PPP2R1A: variants seen among roughly 807,000 people sequenced by gnomAD.
PPP2R1A encodes serine/threonine-protein phosphatase 2A 65 kDa regulatory subunit A alpha isoform.
A neutral mutation model predicts 67.1 loss-of-function variants in PPP2R1A; 15 were observed. That is an observed-to-expected ratio of 0.22 (90% confidence interval 0.15 to 0.34). The LOEUF is 0.34. Among genes scored for constraint, PPP2R1A ranks in the 10% least tolerant of loss-of-function variants. The pLI is 1.00. For missense variants in PPP2R1A, 369 were observed against 775.0 expected, an observed-to-expected ratio of 0.48 and a Z score of 6.22; for synonymous variants, 337 against 325.0, an observed-to-expected ratio of 1.04 and a Z score of -0.40.
At chr19:52,199,572 T>G (rs2089527764) in intron 1 of PPP2R1A, among the ~76,000 whole-genome samples, 1 of 152,248 alleles carries the variant, frequency 6.6e-6, no homozygotes, top group Non-Finnish European at 1.5e-5. Flanking sequence ...CAGCCCACTG[T>G]CTGCTTTTGC....
At chr19:52,192,858 C>T (rs1391220657) in intron 1 of PPP2R1A, among the ~76,000 whole-genome samples, 1 of 152,126 alleles carries the variant, frequency 6.6e-6, no homozygotes, top group African/African-American at 2.4e-5. Context: ...AGGCATTCCA[C>T]CCCCCAGGAA....
chr19:52,196,551 C>CT (rs1403195286), intron 1 of PPP2R1A, among the ~76,000 whole-genome samples: 1 of 152,218 alleles, frequency 6.6e-6, no homozygotes, highest in Non-Finnish European at 1.5e-5. Flanking sequence ...TCTCCTGAAT[C>CT]TCCTCAGCAG....
At position 52,216,449 on chromosome 19, in the gene PPP2R1A, C is replaced by G. The variant is rs1485683369; in HGVS notation, c.994-80C>G. The stretch of plus-strand genomic sequence containing the variant: ...GAGGGGCAGAAGCAGGTTATTGTCT[C>G]TTAGGAGTTGGCATCTGCTTAGCCA... On this transcript the variant is annotated intron_variant, in intron 8 of 14. Coordinates refer to ENST00000322088, the MANE Select transcript of PPP2R1A (RefSeq NM_014225.6). The surrounding 1 kb of genome is among the most constrained non-coding windows in gnomAD (Gnocchi z 4.3). 1.3e-6 allele frequency: 2 copies of G among 1,550,530 alleles called. No individual in the cohort carries two copies. The highest frequency in any genetic ancestry group is 1.8e-6 in the Non-Finnish European group (2 of 1,129,800).
chr19:52,194,088 C>CAAAAAAAAAAAAAAAAAAAA (rs915576804), intron 1 of PPP2R1A, among the ~76,000 whole-genome samples: 17 of 60,510 alleles, frequency 2.8e-4, no homozygotes, highest in Admixed American at 8.0e-4. Context: ...ACCCTGTCTC[C>CAAAAAAAAAAAAAAAAAAAA]AAAAAAAAAA....
intron 13 of PPP2R1A, 111 bp downstream of exon 13, chr19:52,222,352 T>C (rs1298565712): frequency 2.8e-6 from 4 of 1,433,286 alleles, no homozygotes; most frequent in Non-Finnish European, 3.7e-6. Flanking sequence ...GCTCCTTGCT[T>C]GCTGTGTGAC....
intron 1 of PPP2R1A, among the ~76,000 whole-genome samples, chr19:52,198,928 A>G (rs533024159): frequency 1.3e-5 from 2 of 152,330 alleles, no homozygotes; most frequent in East Asian, 3.9e-4. Flanking sequence ...CGTAGCAAAC[A>G]ATAAATGTTT....
chr19:52,193,534 GAA>G (rs1408870895), intron 1 of PPP2R1A, among the ~76,000 whole-genome samples: 2 of 152,126 alleles, frequency 1.3e-5, no homozygotes, highest in Non-Finnish European at 2.9e-5. Flanking sequence ...TTGCTAAGAA[GAA>G]AAATTGCTGG....
Position 52,227,232 on chromosome 19 carries a change from G to A in PPP2R1A, c.*1251G>A, listed in dbSNP as rs770921600. On this transcript the variant is annotated 3_prime_UTR_variant, in exon 15 of 15. Transcript: ENST00000322088. ...CTAGGAAGTGTTCTTAAGGGGGAAG[G>A]CGTCATCCCCCACCTTTCCTCCTTC... 2 of 152,188 alleles carry A rather than the reference G, an allele frequency of 1.3e-5. No individual in the cohort carries two copies. The highest frequency in any genetic ancestry group is 2.9e-5 in the Non-Finnish European group (2 of 68,042). The allele number at this position is 152,188 out of a possible 1,614,324, so 9.4% of individuals were successfully genotyped here. A position where few individuals can be genotyped will look rare whatever the true frequency, so the allele number is the denominator to read the frequency against.
intron 1 of PPP2R1A, among the ~76,000 whole-genome samples, chr19:52,197,990 CCTT>C (rs1600158465): frequency 6.6e-6 from 1 of 152,222 alleles, no homozygotes; most frequent in African/African-American, 2.4e-5. Context: ...GCCACGATGT[CCTT>C]CTTAATAATC....
At chr19:52,199,182 T>C (rs2089523908) in intron 1 of PPP2R1A, among the ~76,000 whole-genome samples, 1 of 152,092 alleles carries the variant, frequency 6.6e-6, no homozygotes, top group South Asian at 2.1e-4. Context: ...TATTTATTTA[T>C]TTGAGACAGA....
chr19:52,207,550 C>T (rs551022021), intron 3 of PPP2R1A, among the ~76,000 whole-genome samples: 3 of 152,232 alleles, frequency 2.0e-5, no homozygotes, highest in East Asian at 1.9e-4. Context: ...TCCCTGTGAC[C>T]GATGTGCCTG....
chr19:52,226,117 C>A lies in PPP2R1A; in HGVS notation c.*136C>A. The A allele has an allele frequency of 7.5e-7, 1 of 1,335,382 alleles. No homozygotes were observed. Among genetic ancestry groups the A allele is most frequent in the Non-Finnish European group, 1.1e-6 (1 of 949,012 alleles). 82.7% of individuals were successfully genotyped at this position (1,335,382 alleles called of 1,614,324 possible). The stretch of plus-strand genomic sequence containing the variant: ...TGACCCCAGGCCCCTTCCCCCAGCA[C>A]GGTTCCTCCTCTCCCCAGCCTGGGA... On this transcript the variant is annotated 3_prime_UTR_variant, in exon 15 of 15. Transcript: ENST00000322088.
intron 1 of PPP2R1A, chr19:52,191,292 C>T (rs949650863): frequency 6.6e-6 from 1 of 152,292 alleles, no homozygotes; most frequent in African/African-American, 2.4e-5. Flanking sequence ...TACTTCACCG[C>T]TTTGGGTCTC....
At chr19:52,194,500 C>T (rs142716153) in intron 1 of PPP2R1A, among the ~76,000 whole-genome samples, 3 of 152,200 alleles carry the variant, frequency 2.0e-5, no homozygotes, top group Admixed American at 6.5e-5. Context: ...TTAAAGGATC[C>T]TTCCTCTGGC....
At position 52,228,826 on chromosome 19, in the gene PPP2R1A, C is replaced by T. The variant is rs181669886; in HGVS notation, c.*2845C>T. The T allele has an allele frequency of 6.6e-6, 1 of 152,432 alleles. No homozygotes were observed. The highest frequency in any genetic ancestry group is 2.4e-5 in the African/African-American group (1 of 41,584). The allele number at this position is 152,432 out of a possible 1,614,324, so 9.4% of individuals were successfully genotyped here. On this transcript the variant is annotated 3_prime_UTR_variant, in exon 15 of 15. Coordinates refer to ENST00000322088, the MANE Select transcript of PPP2R1A (RefSeq NM_014225.6). ...CAACAGCCTCTTCACTGACCCCTTC[C>T]TTCCACTGCATTGACCCAGACATCT... is the stretch of plus-strand genomic sequence containing the variant.
intron 1 of PPP2R1A, among the ~76,000 whole-genome samples, chr19:52,200,932 G>A (rs545432394): frequency 1.3e-5 from 2 of 152,234 alleles, no homozygotes; most frequent in East Asian, 1.9e-4. Context: ...CTGTTTTGAC[G>A]TGCACGTCAC....
chr19:52,221,276 T>TG (rs1978909442), intron 12 of PPP2R1A, 143 bp downstream of exon 12: 1 of 1,262,210 alleles, frequency 7.9e-7, no homozygotes, highest in Non-Finnish European at 1.1e-6. Context: ...GATGAGTCCT[T>TG]GGGGAACTGC....
chr19:52,213,914 T>C lies in PPP2R1A; in HGVS notation c.807+804T>C, dbSNP rs187179177. On this transcript the variant is annotated intron_variant, in intron 6 of 14. Transcript: ENST00000322088. This position sits in a 1 kb window ranked among gnomAD's most constrained non-coding sequence, Gnocchi z 4.2. ...TCCAGATTGCCTCATCCCACAAACA[T>C]GTTTGCTGAGCACCAGCTATTTGCT... is the stretch of plus-strand genomic sequence containing the variant. Among the ~76,000 whole-genome samples, 1 of 152,106 alleles carries C rather than the reference T, an allele frequency of 6.6e-6. No homozygotes were observed. The highest frequency in any genetic ancestry group is 1.5e-5 in the Non-Finnish European group (1 of 68,024).
Position 52,228,205 on chromosome 19 carries a change from C to T in PPP2R1A, c.*2224C>T, listed in dbSNP as rs1490889976. On this transcript the variant is annotated 3_prime_UTR_variant, in exon 15 of 15. Transcript: ENST00000322088. ...GGCAAGTGATGGAATGGGATTATTA[C>T]AGGAGGTGGAGGTGCGATGGATACC... 6.6e-6 allele frequency: 1 copy of T among 152,346 alleles called. No homozygotes were observed. The highest frequency in any genetic ancestry group is 1.9e-4 in the East Asian group (1 of 5,182). The allele number at this position is 152,346 out of a possible 1,614,324, so 9.4% of individuals were successfully genotyped here. A position where few individuals can be genotyped will look rare whatever the true frequency, so the allele number is the denominator to read the frequency against.
Sources: allele counts gnomAD v4.1 joint callset (sites outside exome capture counted in the v4.1 genomes callset), GRCh38; gene constraint gnomAD v4.1.1; non-coding constraint Gnocchi (gnomAD v3.1); transcripts MANE v1.5; gene names NCBI Gene and HGNC (gene_info 2026-07-23, HGNC 2026-07-21).